Variants in CAMSAP2 observed in about 807,000 individuals in gnomAD.
The protein encoded by CAMSAP2 is calmodulin-regulated spectrin-associated protein 2.
CAMSAP2 carries 26 observed loss-of-function variants against 146.1 expected under a neutral mutation model. The observed-to-expected ratio is 0.18, with a 90% CI of 0.13 to 0.25. The LOEUF (loss-of-function observed/expected upper bound fraction) is 0.25. Ranked by LOEUF, CAMSAP2 falls within the 10% of genes least tolerant of loss-of-function variation. CAMSAP2 has a pLI of 1.00. For synonymous variants in CAMSAP2, 499 were observed against 596.6 expected (o/e 0.84, Z 2.38); for missense variants, 1,381 against 1,759.3 (o/e 0.78, Z 3.85).
rs193083166 is a variant in CAMSAP2 at position 200,847,652 on chromosome 1, G to A, written c.1205G>A (p.Arg402Lys). 2.5e-6 allele frequency: 4 copies of A among 1,610,650 alleles called. No homozygotes were observed. Among genetic ancestry groups the A allele is most frequent in the African/African-American group, 2.7e-5 (2 of 74,800 alleles). The change falls in exon 10 of 17, where the codon AGG becomes AAG. Residue 402 changes from arginine to lysine, a missense_variant. Physicochemically the swap from Arg to Lys is conservative, Grantham distance 26. Around this residue, in one of 4 missense-constraint regions of CAMSAP2, gnomAD observed 447 missense variants for 462.2 expected, o/e 0.97. Transcript: ENST00000358823. ...TTTGCATTTGAAGGAGGAATTAGAAGGTCTTCATCTATGTCTTATGTTGAT... is the reference window on the plus strand; with the variant it reads ...TTTGCATTTGAAGGAGGAATTAGAAAGTCTTCATCTATGTCTTATGTTGAT... ...AHSSASGGIR[R>K]SSSMSYVDGF...
At chr1:200,817,263 T>TACACACAC (rs1352862803) in intron 4 of CAMSAP2, among the ~76,000 whole-genome samples, 8 of 93,536 alleles carry the variant, frequency 8.6e-5, no homozygotes, top group African/African-American at 2.8e-4. Context: ...TGTGTGTATA[T>TACACACAC]ACACACATAT....
intron 2 of CAMSAP2, among the ~76,000 whole-genome samples, chr1:200,764,697 A>C (rs1473483383): frequency 1.3e-5 from 2 of 152,264 alleles, no homozygotes; most frequent in Non-Finnish European, 2.9e-5. Context: ...ATAGGAAATA[A>C]GAATAAATAT....
At position 200,848,802 on chromosome 1, in the gene CAMSAP2, C is replaced by G; in HGVS notation, c.2033C>G (p.Ala678Gly). Reference sequence around the variant, plus strand: ...ACCAAGTCTCAGCCAGGCAGCAGTGCTTCTTCTAGTTCTGGAGTTAAAATG... The same window carrying G: ...ACCAAGTCTCAGCCAGGCAGCAGTGGTTCTTCTAGTTCTGGAGTTAAAATG... Reference protein sequence around the residue: ...VSTKSQPGSSASSSSGVKMTS... With the variant: ...VSTKSQPGSSGSSSSGVKMTS... The change falls in exon 11 of 17, where the codon GCT becomes GGT. Residue 678 changes from alanine (A) to glycine (G), a missense_variant. Coordinates refer to ENST00000358823, the MANE Select transcript of CAMSAP2 (RefSeq NM_203459.4). The G allele has an allele frequency of 1.9e-6, 3 of 1,614,140 alleles. No homozygotes were observed. The South Asian group carries it at 3.3e-5, about 18-fold the overall frequency.
chr1:200,790,662 T>C (rs188613415), intron 2 of CAMSAP2, among the ~76,000 whole-genome samples: 1 of 152,358 alleles, frequency 6.6e-6, no homozygotes, highest in Non-Finnish European at 1.5e-5. Context: ...CTTTCAGATC[T>C]ACCTAGAATT....
At position 200,853,199 on chromosome 1, in the gene CAMSAP2, A is replaced by G; in HGVS notation, c.3603-76A>G. 7.8e-7 allele frequency: 1 copy of G among 1,276,430 alleles called. No individual in the cohort carries two copies. The highest frequency in any genetic ancestry group is 2.1e-5 in the Admixed American group (1 of 47,752). The allele number at this position is 1,276,430 out of a possible 1,614,324, so 79.1% of individuals were successfully genotyped here. On this transcript the variant is annotated intron_variant, in intron 12 of 16. Coordinates refer to ENST00000358823, the MANE Select transcript of CAMSAP2 (RefSeq NM_203459.4). The surrounding 1 kb of genome is among the most constrained non-coding windows in gnomAD (Gnocchi z 5.1). Reference sequence around the variant, plus strand: ...ATGAAATAGAATTCTCCTTTCTCATATCAAATACATAACTCTCTCCTGTAT... The same window carrying G: ...ATGAAATAGAATTCTCCTTTCTCATGTCAAATACATAACTCTCTCCTGTAT...
At chr1:200,817,650 A>C (rs556371764) in intron 4 of CAMSAP2, among the ~76,000 whole-genome samples, 12 of 152,194 alleles carry the variant, frequency 7.9e-5, no homozygotes, top group Non-Finnish European at 1.6e-4. Flanking sequence ...CTCTCCATAA[A>C]AAGAGAAAGA....
rs1667544970 is a variant in CAMSAP2 at position 200,849,110 on chromosome 1, A to G, written c.2341A>G (p.Lys781Glu). ...AGCTGCTTTTACCAAACAGAGACAG[A>G]AAATGGGAAGGACAGCATTCCTTAC... is the stretch of plus-strand genomic sequence containing the variant. Reference protein sequence around the residue: ...MEAAFTKQRQKMGRTAFLTVV... With the variant: ...MEAAFTKQRQEMGRTAFLTVV... The change falls in exon 11 of 17, where the codon AAA becomes GAA. Residue 781 changes from lysine (K) to glutamate (E), a missense_variant. Coordinates refer to ENST00000358823, the MANE Select transcript of CAMSAP2 (RefSeq NM_203459.4). The surrounding 1 kb of genome is among the most constrained non-coding windows in gnomAD (Gnocchi z 6.3). 1.9e-6 allele frequency: 3 copies of G among 1,614,184 alleles called. No individual in the cohort carries two copies. The highest frequency in any genetic ancestry group is 2.5e-6 in the Non-Finnish European group (3 of 1,180,018).
chr1:200,784,498 G>A (rs1045161066), intron 2 of CAMSAP2, among the ~76,000 whole-genome samples: 2 of 151,994 alleles, frequency 1.3e-5, no homozygotes, highest in East Asian at 3.8e-4. Context: ...TATGCACTTT[G>A]TTGAATCTTT....
At position 200,738,931 on chromosome 1, in the gene CAMSAP2, GA is replaced by G. The variant is rs1007142127; in HGVS notation, c.-893del. On this transcript the variant is annotated 5_prime_UTR_variant, in exon 1 of 17. Coordinates refer to ENST00000358823, the MANE Select transcript of CAMSAP2 (RefSeq NM_203459.4). Reference sequence around the variant, plus strand: ...GCTCCTTCATCCAGTGCCGCAGCCGGAAAACCGCAGCGGCGGCGGCGGCGGC... The same window carrying G: ...GCTCCTTCATCCAGTGCCGCAGCCGGAAACCGCAGCGGCGGCGGCGGCGGC... Among the ~76,000 whole-genome samples the G allele has an allele frequency of 2.1e-5, 3 of 143,662 alleles. No homozygotes were observed. The highest frequency in any genetic ancestry group is 2.3e-4 in the South Asian group (1 of 4,296). The allele number at this position is 143,662 out of a possible 152,430, so 94.2% of individuals were successfully genotyped here.
chr1:200,749,001 C>T (rs1664424036), intron 1 of CAMSAP2, among the ~76,000 whole-genome samples: 1 of 152,106 alleles, frequency 6.6e-6, no homozygotes, highest in Admixed American at 6.6e-5. Context: ...AGAAAGCTCA[C>T]AGAACAACTT....
At chr1:200,803,614 GAA>G (rs1424866391) in intron 2 of CAMSAP2, among the ~76,000 whole-genome samples, 1 of 73,400 alleles carries the variant, frequency 1.4e-5, no homozygotes, top group Non-Finnish European at 4.0e-5. Flanking sequence ...GTAAAGTTAA[GAA>G]GTAAAAAAAA....
chr1:200,799,536 A>G (rs952275705), intron 2 of CAMSAP2, among the ~76,000 whole-genome samples: 2 of 151,906 alleles, frequency 1.3e-5, no homozygotes, highest in African/African-American at 4.8e-5. Context: ...ATCATTTTTT[A>G]TTGTATCTAT....
intron 4 of CAMSAP2, among the ~76,000 whole-genome samples, chr1:200,823,217 TATA>T (rs1306146069): frequency 2.0e-5 from 3 of 152,220 alleles, no homozygotes; most frequent in Non-Finnish European, 2.9e-5. Context: ...TACCTGTCTA[TATA>T]ATATTTCTCT....
At chr1:200,795,983 T>G (rs1449206027) in intron 2 of CAMSAP2, among the ~76,000 whole-genome samples, 1 of 152,188 alleles carries the variant, frequency 6.6e-6, no homozygotes, top group African/African-American at 2.4e-5. Context: ...AAAATAAAAA[T>G]AGCAGTTTTG....
At chr1:200,838,197 A>C (rs1218218757) in intron 6 of CAMSAP2, among the ~76,000 whole-genome samples, 1 of 152,142 alleles carries the variant, frequency 6.6e-6, no homozygotes, top group African/African-American at 2.4e-5. Flanking sequence ...TGTTATTAGG[A>C]TGGCTATCTT....
At chr1:200,836,271 C>T (rs1424679792) in intron 6 of CAMSAP2, among the ~76,000 whole-genome samples, 2 of 152,110 alleles carry the variant, frequency 1.3e-5, no homozygotes, top group African/African-American at 2.4e-5. Flanking sequence ...ACCTTCCACT[C>T]GTGGATAGTT....
chr1:200,798,320 G>C (rs1400313665), intron 2 of CAMSAP2, among the ~76,000 whole-genome samples: 2 of 121,712 alleles, frequency 1.6e-5, no homozygotes, highest in Non-Finnish European at 3.3e-5. Context: ...TCTTCCATTT[G>C]TTTGTATCCT....
Position 200,842,016 on chromosome 1 carries a change from C to A in CAMSAP2, c.950C>A (p.Ala317Glu). ...TAGAGTAATTATTTGGTGTTCATGG[C>A]GGAACTGTTCTGGTGGTTTGAAGTG... ...SIKSNYLVFM[A>E]ELFWWFEVVK... Residue 317 changes from alanine (A) to glutamate (E), a missense_variant, in exon 7 of 17, where the codon GCG becomes GAG. By Grantham distance (107) the Ala-to-Glu change is moderately radical. This residue lies in a region of CAMSAP2 where 284 missense variants were observed against 406.9 expected (regional missense o/e 0.70). Transcript: ENST00000358823. 1 of 1,613,448 alleles carries A rather than the reference C, an allele frequency of 6.2e-7. No homozygotes were observed. The highest frequency in any genetic ancestry group is 8.5e-7 in the Non-Finnish European group (1 of 1,179,498).
At chr1:200,804,439 A>AT (rs1290975883) in intron 2 of CAMSAP2, among the ~76,000 whole-genome samples, 6 of 152,040 alleles carry the variant, frequency 3.9e-5, no homozygotes, top group African/African-American at 1.4e-4. Flanking sequence ...TATAATGGTT[A>AT]TTTTTTATTT....
Sources: allele counts gnomAD v4.1 joint callset (sites outside exome capture counted in the v4.1 genomes callset), GRCh38; gene constraint gnomAD v4.1.1; regional missense constraint gnomAD v4.1.1; non-coding constraint Gnocchi (gnomAD v3.1); transcripts MANE v1.5; gene names NCBI Gene and HGNC (gene_info 2026-07-23, HGNC 2026-07-21).